The following HPSE2 variants were observed in gnomAD, a reference collection of about 807,000 sequenced individuals.
HPSE2 encodes inactive heparanase-2.
A neutral mutation model predicts 60.5 loss-of-function variants in HPSE2; 38 were observed. The ratio of observed to expected loss-of-function variants is 0.63; its 90% confidence interval spans 0.48 to 0.82. The LOEUF is 0.82. HPSE2 is among the 40% of genes least tolerant of loss of function. HPSE2 has a pLI of 0.00. For missense variants in HPSE2, 713 were observed against 740.4 expected (o/e 0.96, Z 0.43); for synonymous variants, 295 against 293.2 (o/e 1.01, Z -0.06).
chr10:99,248,598 C>A, the HPSE2 span, among the ~76,000 whole-genome samples: 6 of 152,180 alleles, frequency 3.9e-5, no homozygotes, highest in Non-Finnish European at 8.8e-5. Context: ...AAAAGAAAAA[C>A]CATTTTCAGG....
At chr10:99,089,396 G>A (rs1170696822) in intron 3 of HPSE2, among the ~76,000 whole-genome samples, 1 of 152,150 alleles carries the variant, frequency 6.6e-6, no homozygotes, top group African/African-American at 2.4e-5. Context: ...CATGTGGCTT[G>A]CCAGTTATCA....
At chr10:98,541,209 AT>A (rs1032712777) in intron 9 of HPSE2, among the ~76,000 whole-genome samples, 16 of 152,328 alleles carry the variant, frequency 1.1e-4, no homozygotes, top group African/African-American at 3.8e-4. Flanking sequence ...TTAAAATTAA[AT>A]TTTTAAAAGG....
At chr10:98,740,069 T>C (rs1949457345) in intron 4 of HPSE2, among the ~76,000 whole-genome samples, 1 of 152,200 alleles carries the variant, frequency 6.6e-6, no homozygotes, top group South Asian at 2.1e-4. Context: ...GAGTTTACAA[T>C]TTATGGACAT....
the HPSE2 span, among the ~76,000 whole-genome samples, chr10:99,310,492 T>C: frequency 1.3e-5 from 2 of 152,212 alleles, no homozygotes; most frequent in Non-Finnish European, 2.9e-5. Context: ...AAAGTGTAAA[T>C]AGTTAGAAAG....
rs770808660 is a variant in HPSE2, at chr10:98,936,163, C to T, written c.611-192107G>A. ...GTTGCATCACCCCTGCCTGGGAATT[C>T]GATCCCCCCAGGCAGACTCCAGACT... On this transcript the variant is annotated intron_variant, in intron 3 of 11. Coordinates refer to ENST00000370552, the MANE Select transcript of HPSE2 (RefSeq NM_021828.5). Among the ~76,000 whole-genome samples the T allele has an allele frequency of 2.1e-5, 3 of 144,304 alleles. 1 individual carries two copies. The highest frequency in any genetic ancestry group is 4.5e-5 in the Non-Finnish European group (3 of 67,178). The allele number at this position is 144,304 out of a possible 152,430, so 94.7% of individuals were successfully genotyped here.
chr10:98,996,084 C>T (rs1956635393), intron 3 of HPSE2, among the ~76,000 whole-genome samples: 2 of 151,308 alleles, frequency 1.3e-5, no homozygotes, highest in African/African-American at 4.9e-5. Flanking sequence ...ATCCTAAAAC[C>T]AAAAAAAGAG....
At chr10:98,638,370 G>A (rs575311999) in intron 7 of HPSE2, among the ~76,000 whole-genome samples, 3 of 149,524 alleles carry the variant, frequency 2.0e-5, no homozygotes, top group South Asian at 2.1e-4. Context: ...GTGTGAACCC[G>A]GGAGGCGGAG....
chr10:98,505,945 G>A (rs1159979168), intron 9 of HPSE2, among the ~76,000 whole-genome samples: 1 of 151,832 alleles, frequency 6.6e-6, no homozygotes, highest in Non-Finnish European at 1.5e-5. Flanking sequence ...ATCTGATAGA[G>A]CAAGTCCTCC....
chr10:98,615,015 C>T lies in HPSE2; in HGVS notation c.1209G>A (p.Trp403Ter). The stretch of plus-strand genomic sequence containing the variant: ...TGGCCAGCATTCCTAAAGTGTTCAA[C>T]CATCTAAAAGGCAGAGAAAAAGAGC... Reference protein sequence around the residue: ...LSDSYAAGFLWLNTLGMLANQ... With the variant: ...LSDSYAAGFL The change falls in exon 9 of 12, where the codon TGG becomes TGA. Residue 403 changes from tryptophan (W) to a stop codon, truncating the protein, a stop_gained. Transcript: ENST00000370552. LOFTEE classifies it high-confidence loss of function. 1 of 1,610,354 alleles carries T rather than the reference C, an allele frequency of 6.2e-7. No homozygotes were observed. Among genetic ancestry groups the T allele is most frequent in the East Asian group, 2.2e-5 (1 of 44,840 alleles).
the HPSE2 span, among the ~76,000 whole-genome samples, chr10:99,275,973 T>C: frequency 2.0e-5 from 3 of 152,138 alleles, no homozygotes; most frequent in East Asian, 1.9e-4. Context: ...CATCGTATCA[T>C]GGACATAGAT....
intron 3 of HPSE2, among the ~76,000 whole-genome samples, chr10:98,860,422 A>G (rs1409401063): frequency 6.6e-6 from 1 of 152,182 alleles, no homozygotes; most frequent in Non-Finnish European, 1.5e-5. Context: ...TCAGTTTGGA[A>G]TACCTCTCCC....
At chr10:98,853,664 T>C (rs1952237331) in intron 3 of HPSE2, among the ~76,000 whole-genome samples, 1 of 152,144 alleles carries the variant, frequency 6.6e-6, no homozygotes, top group African/African-American at 2.4e-5. Context: ...CACTGTACTA[T>C]TGCATATATT....
chr10:98,856,459 G>A (rs546536248), intron 3 of HPSE2, among the ~76,000 whole-genome samples: 56 of 151,490 alleles, frequency 3.7e-4, no homozygotes, highest in African/African-American at 1.2e-3. Flanking sequence ...TGAAAACCAA[G>A]GAAATAAAAA....
intron 2 of HPSE2, among the ~76,000 whole-genome samples, chr10:99,158,971 T>G (rs1202602769): frequency 6.6e-6 from 1 of 152,180 alleles, no homozygotes; most frequent in Non-Finnish European, 1.5e-5. Context: ...ACTGTCAGAT[T>G]GAGTTTCAAA....
chr10:98,887,578 G>A (rs1953201926), intron 3 of HPSE2, among the ~76,000 whole-genome samples: 1 of 151,914 alleles, frequency 6.6e-6, no homozygotes, highest in African/African-American at 2.4e-5. Flanking sequence ...AAGTAAAGTA[G>A]GATTAACCCA....
chr10:98,563,256 A>G (rs1345532194), intron 9 of HPSE2, among the ~76,000 whole-genome samples: 1 of 152,242 alleles, frequency 6.6e-6, no homozygotes, highest in African/African-American at 2.4e-5. Flanking sequence ...GTATAAGCAC[A>G]CATTGCAACA....
intron 3 of HPSE2, among the ~76,000 whole-genome samples, chr10:98,799,591 G>T (rs952395620): frequency 1.6e-4 from 24 of 151,940 alleles, no homozygotes; most frequent in Non-Finnish European, 7.4e-5. Flanking sequence ...CAGCATTTTT[G>T]ACCATAATGG....
chr10:98,651,281 T>C (rs1946907799), intron 6 of HPSE2, among the ~76,000 whole-genome samples: 1 of 151,998 alleles, frequency 6.6e-6, no homozygotes, highest in Non-Finnish European at 1.5e-5. Context: ...TGTAGATGTG[T>C]GTTAAAAGAA....
chr10:98,895,180 C>A (rs1953450037), intron 3 of HPSE2, among the ~76,000 whole-genome samples: 1 of 151,862 alleles, frequency 6.6e-6, no homozygotes, highest in Non-Finnish European at 1.5e-5. Context: ...ATTAGAAAAA[C>A]CCATACGTAT....
Sources: allele counts gnomAD v4.1 joint callset (sites outside exome capture counted in the v4.1 genomes callset), GRCh38; gene constraint gnomAD v4.1.1; transcripts MANE v1.5; gene names NCBI Gene and HGNC (gene_info 2026-07-23, HGNC 2026-07-21).